The following MAD1L1 variants were observed in gnomAD, a reference collection of about 807,000 sequenced individuals.
The protein encoded by MAD1L1 is mitotic arrest deficient 1 like 1.
In MAD1L1, 95 loss-of-function variants were observed where a neutral mutation model predicts 96.9. The ratio of observed to expected loss-of-function variants is 0.98; its 90% CI spans 0.83 to 1.16. MAD1L1 has a LOEUF of 1.16. Among genes scored for constraint, MAD1L1 ranks in the 50% most tolerant of loss-of-function variants. The probability of loss-of-function intolerance (pLI) is 0.00; values close to 1 mark genes in which losing one functional copy is unlikely to be tolerated. For synonymous variants in MAD1L1, 473 were observed against 396.6 expected (o/e 1.19, Z -2.29); for missense variants, 1,007 against 954.4 (o/e 1.06, Z -0.73).
intron 18 of MAD1L1, among the ~76,000 whole-genome samples, chr7:1,833,061 G>A (rs906590149): frequency 2.6e-5 from 4 of 152,156 alleles, no homozygotes; most frequent in African/African-American, 4.8e-5. Context: ...CTAAAGGTTC[G>A]GGTGATCATT....
chr7:1,974,482 T>C (rs957535604), intron 15 of MAD1L1, among the ~76,000 whole-genome samples: 1 of 152,074 alleles, frequency 6.6e-6, no homozygotes, highest in Non-Finnish European at 1.5e-5. Context: ...TCATGAACAC[T>C]GACAGGATGC....
At chr7:2,053,309 A>G (rs1784263030) in intron 12 of MAD1L1, among the ~76,000 whole-genome samples, 1 of 152,174 alleles carries the variant, frequency 6.6e-6, no homozygotes, top group Non-Finnish European at 1.5e-5. Flanking sequence ...GGGCGGGGGC[A>G]GAGCACAGGG....
chr7:1,943,035 CTT>C (rs910725437), intron 16 of MAD1L1, among the ~76,000 whole-genome samples: 9 of 152,292 alleles, frequency 5.9e-5, no homozygotes, highest in Admixed American at 2.6e-4. Flanking sequence ...GAAAAATAGT[CTT>C]TTCAACAAAT....
intron 11 of MAD1L1, among the ~76,000 whole-genome samples, chr7:2,081,524 T>A (rs1785646576): frequency 6.6e-6 from 1 of 152,104 alleles, no homozygotes; most frequent in African/African-American, 2.4e-5. Flanking sequence ...AATCCCCGCA[T>A]CGGGCCGGAA....
chr7:1,973,039 G>A (rs1023592716), intron 15 of MAD1L1, among the ~76,000 whole-genome samples: 9 of 152,224 alleles, frequency 5.9e-5, no homozygotes, highest in South Asian at 4.2e-4. Flanking sequence ...CGATTCTTTC[G>A]AATTTACTGG....
At chr7:1,823,777 T>TGA (rs971295442) in intron 18 of MAD1L1, among the ~76,000 whole-genome samples, 11 of 152,142 alleles carry the variant, frequency 7.2e-5, no homozygotes, top group Non-Finnish European at 1.5e-4. Flanking sequence ...AGCACCCCCT[T>TGA]GTTCCAGATG....
chr7:2,177,154 T>A (rs1380473683), intron 10 of MAD1L1, among the ~76,000 whole-genome samples: 1 of 152,266 alleles, frequency 6.6e-6, no homozygotes, highest in Non-Finnish European at 1.5e-5. Context: ...AGTTTTTCTG[T>A]ATCCGAGTCC....
intron 11 of MAD1L1, among the ~76,000 whole-genome samples, chr7:2,110,626 TG>T (rs1243115503): frequency 6.6e-6 from 1 of 152,232 alleles, no homozygotes; most frequent in African/African-American, 2.4e-5. Flanking sequence ...CAAGTCATTT[TG>T]GGTCTCAAGT....
In MAD1L1 at chr7:2,054,524, T is replaced by C. The variant is rs148936792; in HGVS notation, c.1218+14670A>G. 3.5e-3 allele frequency among the ~76,000 whole-genome samples: 535 copies of C among 152,342 alleles called. 5 individuals carry two copies. The highest frequency in any genetic ancestry group is 0.012 in the African/African-American group (510 of 41,580). ...AGTGTCTGTGACAAGGTTGGCTTTCTAATAACTGTGCAAATGGCTTTGTCC... is the reference window on the plus strand; with the variant it reads ...AGTGTCTGTGACAAGGTTGGCTTTCCAATAACTGTGCAAATGGCTTTGTCC... On this transcript the variant is annotated intron_variant, in intron 12 of 18. Coordinates refer to ENST00000265854, the MANE Select transcript of MAD1L1 (RefSeq NM_001013836.2).
At chr7:1,941,830 T>C (rs1779014684) in intron 16 of MAD1L1, among the ~76,000 whole-genome samples, 1 of 152,076 alleles carries the variant, frequency 6.6e-6, no homozygotes, top group East Asian at 1.9e-4. Context: ...ACTGGTGGCG[T>C]GGAGAACCCA....
rs961366519 is a variant in MAD1L1, at chr7:2,021,904, T to C, written c.1219-7262A>G. On this transcript the variant is annotated intron_variant, in intron 12 of 18. Transcript: ENST00000265854. Reference sequence around the variant, plus strand: ...ATGAGAGGTCAGAAACTCAGATCTATGTGGAAAGACAGAGCAGAGAAGTAA... The same window carrying C: ...ATGAGAGGTCAGAAACTCAGATCTACGTGGAAAGACAGAGCAGAGAAGTAA... Among the ~76,000 whole-genome samples, 7 of 152,158 alleles carry C rather than the reference T, an allele frequency of 4.6e-5. No individual in the cohort carries two copies. The East Asian group carries it at 1.2e-3, about 25-fold the overall frequency.
intron 10 of MAD1L1, among the ~76,000 whole-genome samples, chr7:2,170,874 G>A (rs1790674585): frequency 6.6e-6 from 1 of 152,190 alleles, no homozygotes; most frequent in African/African-American, 2.4e-5. Context: ...GGATGGGCCT[G>A]CCTCTCCCAA....
At chr7:1,885,097 G>A (rs947606192) in intron 18 of MAD1L1, among the ~76,000 whole-genome samples, 1 of 152,214 alleles carries the variant, frequency 6.6e-6, no homozygotes, top group African/African-American at 2.4e-5. Flanking sequence ...CCAAGGCGGG[G>A]ACCCAGGAGC....
At chr7:1,819,830 G>A (rs1260787959) in intron 18 of MAD1L1, among the ~76,000 whole-genome samples, 1 of 152,122 alleles carries the variant, frequency 6.6e-6, no homozygotes, top group Non-Finnish European at 1.5e-5. Flanking sequence ...CGGAGGCCAA[G>A]GGGGAAGTGT....
In MAD1L1 at chr7:1,898,422, C is replaced by G. The variant is rs115260549; in HGVS notation, c.1808-32G>C. 5.0e-6 allele frequency: 8 copies of G among 1,597,932 alleles called. No individual in the cohort carries two copies. In the South Asian group the frequency reaches 7.8e-5, roughly 16 times the overall value. ...GAGGGACGGAAGGAGACAGTGAGTG[C>G]GGCACCAGGCCGGAGGGGTGGGGAC... is the stretch of plus-strand genomic sequence containing the variant. On this transcript the variant is annotated intron_variant, in intron 17 of 18. Transcript: ENST00000265854.
intron 11 of MAD1L1, among the ~76,000 whole-genome samples, chr7:2,083,851 G>A (rs1284034354): frequency 6.6e-6 from 1 of 152,230 alleles, no homozygotes; most frequent in African/African-American, 2.4e-5. Context: ...TGGTCACTGT[G>A]AGTGTCTGCT....
chr7:1,875,417 C>A (rs1160438005), intron 18 of MAD1L1, among the ~76,000 whole-genome samples: 2 of 152,240 alleles, frequency 1.3e-5, no homozygotes, highest in Admixed American at 6.5e-5. Context: ...GAAGTTCTGG[C>A]ACGCAGGGAG....
intron 18 of MAD1L1, among the ~76,000 whole-genome samples, chr7:1,880,693 G>C (rs1195278473): frequency 6.6e-6 from 1 of 152,250 alleles, no homozygotes; most frequent in Non-Finnish European, 1.5e-5. Flanking sequence ...GCAAGAGGAA[G>C]TACGGTGTGG....
intron 16 of MAD1L1, among the ~76,000 whole-genome samples, chr7:1,949,577 G>A (rs1188233311): frequency 6.6e-6 from 1 of 152,180 alleles, no homozygotes; most frequent in African/African-American, 2.4e-5. Flanking sequence ...GCGGGGAGGG[G>A]CCTCTTCCTG....
Sources: gnomAD v4.1 joint callset for allele counts (sites outside exome capture counted in the v4.1 genomes callset) on GRCh38, gnomAD v4.1.1 for gene constraint, MANE v1.5 for transcripts, NCBI Gene and HGNC (gene_info 2026-07-23, HGNC 2026-07-21) for gene names.